The following COL17A1 variants were observed in gnomAD, a reference collection of about 807,000 sequenced individuals.
COL17A1 encodes collagen type XVII alpha 1 chain.
Under a neutral mutation model 218.4 loss-of-function variants are expected in COL17A1, and 181 were observed. That is an observed-to-expected ratio of 0.83 (90% CI 0.73 to 0.94). COL17A1 has a LOEUF of 0.94. Among genes scored for constraint, COL17A1 ranks in the 40% least tolerant of loss-of-function variants. COL17A1 has a pLI of 0.00. For missense variants in COL17A1, 1,924 were observed against 1,945.9 expected (o/e 0.99, Z 0.21); for synonymous variants, 721 against 731.0 (o/e 0.99, Z 0.22).
chr10:104,057,237 C>T, intron 16 of COL17A1, 65 bp from the exon 17 acceptor site: 1 of 1,612,714 alleles, frequency 6.2e-7, no homozygotes. Flanking sequence ...TCCAGATTCT[C>T]TGACTTTTGG....
chr10:104,031,467 C>G lies in COL17A1; in HGVS notation c.*768G>C, dbSNP rs1037195908. Reference sequence around the variant, plus strand: ...TGACGTCTTGAGCTGATGCTGTGTCCCCAGCATCAGGTTTTCTGTTTTCCC... The same window carrying G: ...TGACGTCTTGAGCTGATGCTGTGTCGCCAGCATCAGGTTTTCTGTTTTCCC... On this transcript the variant is annotated 3_prime_UTR_variant, in exon 56 of 56. Transcript: ENST00000648076. The G allele has an allele frequency of 5.2e-5, 8 of 152,588 alleles. No homozygotes were observed. The highest frequency in any genetic ancestry group is 5.2e-4 in the Admixed American group (8 of 15,276). 9.5% of individuals were successfully genotyped at this position (152,588 alleles called of 1,614,324 possible). A position where few individuals can be genotyped will look rare whatever the true frequency, so the allele number is the denominator to read the frequency against.
At chr10:104,036,752 G>A in intron 47 of COL17A1, 120 bp from the exon 48 acceptor site, 1 of 1,261,264 alleles carries the variant, frequency 7.9e-7, no homozygotes, top group Non-Finnish European at 1.1e-6. Context: ...TGTGAGTTCT[G>A]GGTCCGCAGG....
chr10:104,038,330 G>A, intron 45 of COL17A1, 76 bp downstream of exon 45: 2 of 1,590,790 alleles, frequency 1.3e-6, no homozygotes, highest in Non-Finnish European at 1.7e-6. Context: ...TTTCTGTGAT[G>A]ATACCACAGC....
chr10:104,067,182 C>A (rs1362813983), intron 9 of COL17A1, among the ~76,000 whole-genome samples: 1 of 151,928 alleles, frequency 6.6e-6, no homozygotes, highest in African/African-American at 2.4e-5. Flanking sequence ...TAACAATAAC[C>A]CCAAAGATCG....
At chr10:104,056,311 G>A (rs546877825) in intron 17 of COL17A1, among the ~76,000 whole-genome samples, 2 of 152,234 alleles carry the variant, frequency 1.3e-5, no homozygotes, top group African/African-American at 4.8e-5. Flanking sequence ...GGCCAGGCGC[G>A]GTGGCTCAAG....
chr10:104,043,452 C>T (rs759625187), intron 35 of COL17A1, 49 bp downstream of exon 35: 9 of 1,518,930 alleles, frequency 5.9e-6, no homozygotes, highest in South Asian at 5.7e-5. Flanking sequence ...AGAGTCACTA[C>T]CGCCAAGACC....
intron 8 of COL17A1, among the ~76,000 whole-genome samples, chr10:104,071,160 G>A (rs901427715): frequency 4.6e-5 from 7 of 152,144 alleles, no homozygotes; most frequent in Non-Finnish European, 8.8e-5. Flanking sequence ...GAGGTGGGAG[G>A]CACCATGCAT....
chr10:104,034,153 A>C lies in COL17A1; in HGVS notation c.3948T>G (p.Gly1316=), dbSNP rs770709709. 3.1e-6 allele frequency: 5 copies of C among 1,613,182 alleles called. No homozygotes were observed. Among genetic ancestry groups the C allele is most frequent in the Middle Eastern group, 1.7e-4 (1 of 5,838 alleles). The part of the protein sequence containing the change: ...SYSSSMSTGG[G]GAGSLGAGGA... ...CGCCTGCACCCAGGGAGCCTGCACC[A>C]CCTCCTCCTGTGCTCATGGAAGAGC... is the stretch of plus-strand genomic sequence containing the variant. Residue 1316 remains glycine (G), a synonymous_variant, in exon 52 of 56, where the codon GGT becomes GGG. Transcript: ENST00000648076.
chr10:104,063,518 C>T (rs937088805), intron 11 of COL17A1: 18 of 610,734 alleles, frequency 2.9e-5, no homozygotes, highest in East Asian at 9.3e-5. Context: ...AAAATAAAGG[C>T]GCCACCTTAG....
At position 104,073,199 on chromosome 10, in the gene COL17A1, A is replaced by C. The variant is rs752968606; in HGVS notation, c.415+11T>G. 11 of 1,613,386 alleles carry C rather than the reference A, an allele frequency of 6.8e-6. No homozygotes were observed. Among genetic ancestry groups the C allele is most frequent in the Admixed American group, 3.3e-5 (2 of 59,998 alleles). On this transcript the variant is annotated intron_variant, in intron 7 of 55. Transcript: ENST00000648076. Reference sequence around the variant, plus strand: ...TGAATGAATTGGACTGAACCCAGTGACAGCACTCACCTCGTGTTTGACTCC... The same window carrying C: ...TGAATGAATTGGACTGAACCCAGTGCCAGCACTCACCTCGTGTTTGACTCC...
chr10:104,032,858 G>A, intron 54 of COL17A1, 48 bp downstream of exon 54: 4 of 1,609,648 alleles, frequency 2.5e-6, no homozygotes, highest in Non-Finnish European at 3.4e-6. Flanking sequence ...TCAGTACGAG[G>A]TGGGTGTTAA....
intron 47 of COL17A1, 143 bp from the exon 48 acceptor site, chr10:104,036,775 A>AG (rs1050614382): frequency 1.0e-5 from 11 of 1,062,678 alleles, no homozygotes; most frequent in Admixed American, 6.1e-5. Flanking sequence ...CACGGTGTTC[A>AG]GGGGGGACAC....
In COL17A1 at chr10:104,077,447, A is replaced by C. The variant is rs765954490; in HGVS notation, c.177T>G (p.His59Gln). The C allele has an allele frequency of 3.1e-6, 5 of 1,613,418 alleles. No individual in the cohort carries two copies. Among genetic ancestry groups the C allele is most frequent in the Non-Finnish European group, 3.4e-6 (4 of 1,179,804 alleles). Residue 59 changes from histidine to glutamine, a missense_variant, in exon 4 of 56, where the codon CAT becomes CAG. Transcript: ENST00000648076. Reference protein sequence around the residue: ...GSRLEKQSLTHGSSGYINSTG... With the variant: ...GSRLEKQSLTQGSSGYINSTG... ...TTGAGTTTATGTAGCCGCTGCTGCC[A>C]TGAGTCAGGCTTTGTTTCTCCAGCC...
chr10:104,034,586 G>C (rs1385841983), intron 51 of COL17A1, 35 bp downstream of exon 51: 2 of 1,602,952 alleles, frequency 1.2e-6, no homozygotes, highest in Non-Finnish European at 8.5e-7. Context: ...AGGCCTGCGG[G>C]GTGCCTGGTG....
intron 1 of COL17A1, among the ~76,000 whole-genome samples, chr10:104,082,070 C>T (rs1345976808): frequency 3.3e-5 from 5 of 152,154 alleles, no homozygotes; most frequent in South Asian, 2.1e-4. Flanking sequence ...AACCAAGATT[C>T]GTACACTTAG....
At chr10:104,033,811 C>T (rs2086241119) in intron 52 of COL17A1, 134 bp downstream of exon 52, 2 of 1,373,078 alleles carry the variant, frequency 1.5e-6, no homozygotes, top group Admixed American at 3.7e-5. Context: ...TAGGCTGGGG[C>T]TGCCTGTCCC....
intron 31 of COL17A1, among the ~76,000 whole-genome samples, chr10:104,047,307 T>C (rs1589563232): frequency 6.6e-6 from 1 of 151,886 alleles, no homozygotes. Context: ...TGGGTGTTGG[T>C]GAGGGCCCAG....
chr10:104,048,782 C>T (rs549565563), intron 29 of COL17A1, among the ~76,000 whole-genome samples: 2 of 152,256 alleles, frequency 1.3e-5, no homozygotes. Context: ...TGCTGCATCT[C>T]CACAGGTAAG....
intron 10 of COL17A1, 76 bp downstream of exon 10, chr10:104,064,362 T>C (rs1423901598): frequency 1.7e-5 from 28 of 1,609,338 alleles, no homozygotes; most frequent in Non-Finnish European, 2.4e-5. Context: ...GCAAACATTC[T>C]GAGGGTCATC....
Sources: gnomAD v4.1 joint callset for allele counts (sites outside exome capture counted in the v4.1 genomes callset) on GRCh38, gnomAD v4.1.1 for gene constraint, MANE v1.5 for transcripts, NCBI Gene and HGNC (gene_info 2026-07-23, HGNC 2026-07-21) for gene names.